The following NDUFAF2 variants were observed in gnomAD, a reference collection of about 807,000 sequenced individuals.
NDUFAF2 encodes NADH dehydrogenase [ubiquinone] 1 alpha subcomplex assembly factor 2.
NDUFAF2 carries 13 observed loss-of-function variants against 22.8 expected under a neutral mutation model. The observed-to-expected ratio is 0.57, with a 90% CI of 0.37 to 0.91. NDUFAF2 has a LOEUF of 0.91. Ranked by LOEUF, NDUFAF2 falls within the 40% of genes least tolerant of loss-of-function variation. NDUFAF2 has a pLI of 0.01. For synonymous variants in NDUFAF2, 53 were observed against 64.2 expected, an observed-to-expected ratio of 0.83 and a Z score of 0.84; for missense variants, 162 against 195.2, an observed-to-expected ratio of 0.83 and a Z score of 1.01.
chr5:61,019,598 G>A (rs1751552934), intron 1 of NDUFAF2, among the ~76,000 whole-genome samples: 1 of 151,650 alleles, frequency 6.6e-6, no homozygotes, highest in Non-Finnish European at 1.5e-5. Flanking sequence ...CAGCAACAAG[G>A]CAATCTAATG....
chr5:60,949,806 G>A (rs1449640904), intron 1 of NDUFAF2, among the ~76,000 whole-genome samples: 3 of 152,100 alleles, frequency 2.0e-5, no homozygotes, highest in Non-Finnish European at 4.4e-5. Context: ...GATATGTTTT[G>A]TTAAATTTAT....
intron 1 of NDUFAF2, among the ~76,000 whole-genome samples, chr5:61,042,670 TGTTC>T (rs1751898801): frequency 6.6e-6 from 1 of 152,182 alleles, no homozygotes; most frequent in African/African-American, 2.4e-5. Context: ...AGATAGATAA[TGTTC>T]TGTTTTTAAA....
intron 1 of NDUFAF2, among the ~76,000 whole-genome samples, chr5:61,039,901 A>G (rs1303464691): frequency 2.6e-5 from 4 of 152,188 alleles, no homozygotes; most frequent in African/African-American, 4.8e-5. Flanking sequence ...AGCCATTACT[A>G]TAGATCAAGA....
At chr5:61,002,554 A>G (rs190255325) in intron 1 of NDUFAF2, among the ~76,000 whole-genome samples, 3 of 152,332 alleles carry the variant, frequency 2.0e-5, no homozygotes, top group Non-Finnish European at 4.4e-5. Flanking sequence ...CCCAAATGGT[A>G]TACTTATCCG....
chr5:61,040,284 A>ACGCGCGCG (rs1297710611), intron 1 of NDUFAF2, among the ~76,000 whole-genome samples: 10 of 87,218 alleles, frequency 1.1e-4, no homozygotes, highest in African/African-American at 3.8e-4. Context: ...ACACACACAC[A>ACGCGCGCG]CACGCGCGCG....
At chr5:61,128,043 C>T (rs1367794274) in intron 3 of NDUFAF2, among the ~76,000 whole-genome samples, 2 of 152,116 alleles carry the variant, frequency 1.3e-5, no homozygotes, top group Non-Finnish European at 2.9e-5. Context: ...AACTCCCATT[C>T]GCAATTGCTT....
chr5:60,985,756 T>G (rs1751065092), intron 1 of NDUFAF2, among the ~76,000 whole-genome samples: 1 of 152,152 alleles, frequency 6.6e-6, no homozygotes, highest in South Asian at 2.1e-4. Context: ...CCATCAGATC[T>G]CAGGAGACTC....
intron 1 of NDUFAF2, among the ~76,000 whole-genome samples, chr5:61,050,106 A>C (rs1752006067): frequency 6.6e-6 from 1 of 152,086 alleles, no homozygotes; most frequent in African/African-American, 2.4e-5. Flanking sequence ...ATTGCTGGAT[A>C]AAGTGGTAAT....
chr5:61,122,192 A>G (rs998255635), intron 3 of NDUFAF2, among the ~76,000 whole-genome samples: 4 of 152,058 alleles, frequency 2.6e-5, no homozygotes, highest in Non-Finnish European at 5.9e-5. Flanking sequence ...CTACCCTGCA[A>G]ATTTGAGCTT....
At chr5:60,963,900 G>A (rs530013397) in intron 1 of NDUFAF2, among the ~76,000 whole-genome samples, 3 of 152,258 alleles carry the variant, frequency 2.0e-5, no homozygotes, top group African/African-American at 7.2e-5. Context: ...AGGGAGTGAG[G>A]AAGTTAGCTA....
intron 1 of NDUFAF2, among the ~76,000 whole-genome samples, chr5:61,066,309 T>A (rs978221501): frequency 6.6e-6 from 1 of 151,964 alleles, no homozygotes; most frequent in Non-Finnish European, 1.5e-5. Context: ...TGTAACACAA[T>A]CTCTATCAAA....
At chr5:61,146,144 C>T (rs1741134675) in intron 3 of NDUFAF2, 1 of 152,204 alleles carries the variant, frequency 6.6e-6, no homozygotes, top group South Asian at 2.1e-4. Flanking sequence ...TTGTCTCAGG[C>T]TGTGCGTCTC....
chr5:60,987,674 A>G (rs1751100735), intron 1 of NDUFAF2, among the ~76,000 whole-genome samples: 1 of 152,226 alleles, frequency 6.6e-6, no homozygotes, highest in Non-Finnish European at 1.5e-5. Context: ...AGAACTAAAG[A>G]CAAAAACCAT....
intron 1 of NDUFAF2, among the ~76,000 whole-genome samples, chr5:60,994,002 T>C (rs1751195001): frequency 6.6e-6 from 1 of 152,230 alleles, no homozygotes; most frequent in African/African-American, 2.4e-5. Flanking sequence ...GCCCAGGCTA[T>C]TCATGCCAAG....
chr5:61,015,158 A>G (rs1751489619), intron 1 of NDUFAF2, among the ~76,000 whole-genome samples: 1 of 152,246 alleles, frequency 6.6e-6, no homozygotes, highest in Non-Finnish European at 1.5e-5. Flanking sequence ...TAACTCTGAA[A>G]GTAGGTCATA....
chr5:61,061,588 G>C (rs527989577), intron 1 of NDUFAF2, among the ~76,000 whole-genome samples: 1 of 152,280 alleles, frequency 6.6e-6, no homozygotes, highest in East Asian at 1.9e-4. Context: ...ATGATAGAGT[G>C]TGCCTCAGAG....
At chr5:60,966,300 A>T (rs1750757933) in intron 1 of NDUFAF2, among the ~76,000 whole-genome samples, 1 of 152,100 alleles carries the variant, frequency 6.6e-6, no homozygotes, top group African/African-American at 2.4e-5. Flanking sequence ...GTTTGCAGAT[A>T]CTTTCTTTCA....
Position 61,105,486 on chromosome 5 carries a change from A to G in NDUFAF2, c.258+6454A>G, listed in dbSNP as rs577034119. 5.4e-4 allele frequency among the ~76,000 whole-genome samples: 81 copies of G among 151,324 alleles called. 5 individuals are homozygous for G. The highest frequency in any genetic ancestry group is 1.9e-3 in the African/African-American group (79 of 40,738). ...AAACTTCACAATATCACTTTTAGTAACATAGTGGAAATGAATAAGAAAATT... is the reference window on the plus strand; with the variant it reads ...AAACTTCACAATATCACTTTTAGTAGCATAGTGGAAATGAATAAGAAAATT... On this transcript the variant is annotated intron_variant, in intron 3 of 3. Coordinates refer to ENST00000296597, the MANE Select transcript of NDUFAF2 (RefSeq NM_174889.5).
At chr5:61,034,314 G>A (rs1451872598) in intron 1 of NDUFAF2, among the ~76,000 whole-genome samples, 5 of 152,128 alleles carry the variant, frequency 3.3e-5, no homozygotes, top group Admixed American at 3.3e-4. Flanking sequence ...TGAGAAATGT[G>A]TTATTAGGAA....
Sources: gnomAD v4.1 joint callset for allele counts (sites outside exome capture counted in the v4.1 genomes callset) on GRCh38, gnomAD v4.1.1 for gene constraint, MANE v1.5 for transcripts, NCBI Gene and HGNC (gene_info 2026-07-23, HGNC 2026-07-21) for gene names.